ROBO2: variants seen among roughly 807,000 people sequenced by gnomAD.
ROBO2 encodes roundabout homolog 2.
A neutral mutation model predicts 160.8 loss-of-function variants in ROBO2; 53 were observed. That is an observed-to-expected ratio of 0.33 (90% confidence interval 0.26 to 0.41). The LOEUF is 0.41. Among genes scored for constraint, ROBO2 ranks in the 10% least tolerant of loss-of-function variants. The pLI is 1.00. For synonymous variants in ROBO2, 664 were observed against 611.7 expected, an observed-to-expected ratio of 1.09 and a Z score of -1.26; for missense variants, 1,577 against 1,722.4, an observed-to-expected ratio of 0.92 and a Z score of 1.49.
At chr3:76,317,796 T>C (rs1029682323) in intron 2 of ROBO2, among the ~76,000 whole-genome samples, 2 of 152,104 alleles carry the variant, frequency 1.3e-5, no homozygotes, top group African/African-American at 2.4e-5. Flanking sequence ...TTGTAAAACT[T>C]ACTCATATTG....
intron 2 of ROBO2, among the ~76,000 whole-genome samples, chr3:76,799,947 A>C (rs1325592332): frequency 6.6e-6 from 1 of 152,210 alleles, no homozygotes; most frequent in African/African-American, 2.4e-5. Flanking sequence ...AACTGGAGGA[A>C]TCACATTACT....
intron 2 of ROBO2, among the ~76,000 whole-genome samples, chr3:76,920,273 T>G (rs1163366247): frequency 6.6e-6 from 1 of 152,130 alleles, no homozygotes; most frequent in Non-Finnish European, 1.5e-5. Context: ...CAAAAAGGAA[T>G]AAAAACTCAC....
chr3:76,610,432 C>T (rs2088009087), intron 2 of ROBO2, among the ~76,000 whole-genome samples: 1 of 152,142 alleles, frequency 6.6e-6, no homozygotes, highest in Admixed American at 6.5e-5. Flanking sequence ...TGAGCAGCTT[C>T]CACCTTGGGC....
intron 2 of ROBO2, among the ~76,000 whole-genome samples, chr3:76,060,369 T>C (rs2068030784): frequency 1.3e-5 from 2 of 152,228 alleles, no homozygotes; most frequent in African/African-American, 4.8e-5. Context: ...TGAATAAGTA[T>C]GTCTGTGACC....
intron 2 of ROBO2, among the ~76,000 whole-genome samples, chr3:76,559,687 A>G (rs750264940): frequency 2.0e-5 from 3 of 152,130 alleles, no homozygotes; most frequent in Non-Finnish European, 4.4e-5. Flanking sequence ...GACATGGGGC[A>G]CCTGTGCACC....
chr3:77,422,179 A>G (rs1355814377), intron 2 of ROBO2, among the ~76,000 whole-genome samples: 1 of 152,026 alleles, frequency 6.6e-6, no homozygotes, highest in Non-Finnish European at 1.5e-5. Flanking sequence ...CAAGCATCCC[A>G]CTCGGTTTTA....
intron 2 of ROBO2, among the ~76,000 whole-genome samples, chr3:76,693,383 C>T (rs1245466258): frequency 6.7e-6 from 1 of 150,320 alleles, no homozygotes; most frequent in Non-Finnish European, 1.5e-5. Flanking sequence ...GCATATATCC[C>T]TATATATGTA....
Position 76,921,553 on chromosome 3 carries a change from A to C in ROBO2, c.110-176461A>C, listed in dbSNP as rs559896558. Reference sequence around the variant, plus strand: ...CTTGAACCTGGGAGGCAGAGGTTGTAGTGTGCCGGGATTGCTCCATTGCAC... The same window carrying C: ...CTTGAACCTGGGAGGCAGAGGTTGTCGTGTGCCGGGATTGCTCCATTGCAC... On this transcript the variant is annotated intron_variant, in intron 2 of 26. Transcript: ENST00000487694. 3.3e-5 allele frequency among the ~76,000 whole-genome samples: 5 copies of C among 152,298 alleles called. No homozygotes were observed. The East Asian group carries it at 7.7e-4, about 24-fold the overall frequency.
intron 2 of ROBO2, among the ~76,000 whole-genome samples, chr3:76,918,111 T>G (rs2076435480): frequency 6.6e-6 from 1 of 152,152 alleles, no homozygotes; most frequent in Non-Finnish European, 1.5e-5. Flanking sequence ...ATGAACTATA[T>G]TGGTTTAAGA....
chr3:77,321,969 G>A (rs1261574765), intron 2 of ROBO2, among the ~76,000 whole-genome samples: 1 of 152,152 alleles, frequency 6.6e-6, no homozygotes, highest in Admixed American at 6.5e-5. Flanking sequence ...TAGCACCATG[G>A]GAAGTGGTTC....
At chr3:75,992,070 G>A (rs1192731124) in intron 2 of ROBO2, among the ~76,000 whole-genome samples, 1 of 152,136 alleles carries the variant, frequency 6.6e-6, no homozygotes, top group African/African-American at 2.4e-5. Context: ...ATAAAAGTTT[G>A]GAAAATTTGC....
At chr3:77,446,695 A>G (rs564895268) in intron 2 of ROBO2, among the ~76,000 whole-genome samples, 1 of 152,198 alleles carries the variant, frequency 6.6e-6, no homozygotes, top group East Asian at 1.9e-4. Flanking sequence ...ATATATTAGC[A>G]GAGTTTTTAA....
chr3:76,098,472 T>C (rs1163545858), intron 2 of ROBO2, among the ~76,000 whole-genome samples: 4 of 152,156 alleles, frequency 2.6e-5, no homozygotes, highest in Admixed American at 2.0e-4. Flanking sequence ...TAACTACTGA[T>C]GAAATATACT....
chr3:77,422,027 T>G (rs1342178542), intron 2 of ROBO2, among the ~76,000 whole-genome samples: 1 of 152,180 alleles, frequency 6.6e-6, no homozygotes, highest in African/African-American at 2.4e-5. Flanking sequence ...TGATTTGTAT[T>G]CTTGCATTTA....
In ROBO2 at chr3:77,193,461, T is replaced by TTTTTTTTTG. The variant is rs1296731046; in HGVS notation, c.388+95122_388+95123insTTTTTTTGT. On this transcript the variant is annotated intron_variant, in intron 2 of 25. Coordinates refer to ENST00000461745, the Ensembl canonical transcript of ROBO2. ...ATGCCCAGCTAAGTTTTTTTTTTTT[T>TTTTTTTTTG]TAAAGACAGGGTCTTGCTATGTTGC... Among the ~76,000 whole-genome samples, 32 of 148,416 alleles carry TTTTTTTTTG rather than the reference T, an allele frequency of 2.2e-4. 2 individuals are homozygous for TTTTTTTTTG. Among genetic ancestry groups the TTTTTTTTTG allele is most frequent in the South Asian group, 1.1e-3 (5 of 4,676 alleles).
rs762735771 is a variant in ROBO2, at chr3:76,110,039, GTA to G, written c.109+172449_109+172450del. On this transcript the variant is annotated intron_variant, in intron 2 of 26. Coordinates refer to the ROBO2 transcript ENST00000487694. ...AGTATTGTTATATATATATGTGTGT[GTA>G]TATATATATATGAATGAATATATAT... is the stretch of plus-strand genomic sequence containing the variant. Among the ~76,000 whole-genome samples the G allele has an allele frequency of 3.9e-3, 587 of 149,708 alleles. 3 individuals carry two copies. The highest frequency in any genetic ancestry group is 5.2e-3 in the Non-Finnish European group (353 of 67,368).
chr3:76,656,727 T>C (rs575257403), intron 2 of ROBO2, among the ~76,000 whole-genome samples: 1 of 152,168 alleles, frequency 6.6e-6, no homozygotes, highest in Non-Finnish European at 1.5e-5. Flanking sequence ...TCCGAGACAT[T>C]ATGGCAGCCT....
chr3:76,046,554 A>G (rs2067457874), intron 2 of ROBO2, among the ~76,000 whole-genome samples: 1 of 151,296 alleles, frequency 6.6e-6, no homozygotes, highest in Non-Finnish European at 1.5e-5. Context: ...AGGCTGAGGC[A>G]GGAGAATGGC....
chr3:77,103,385 C>G (rs1018538849), intron 2 of ROBO2, among the ~76,000 whole-genome samples: 1 of 149,634 alleles, frequency 6.7e-6, no homozygotes, highest in Non-Finnish European at 1.5e-5. Context: ...GTTCAAAGGT[C>G]AGGGGTCACA....
Sources: allele counts gnomAD v4.1 joint callset (sites outside exome capture counted in the v4.1 genomes callset), GRCh38; gene constraint gnomAD v4.1.1; transcripts MANE v1.5; gene names NCBI Gene and HGNC (gene_info 2026-07-23, HGNC 2026-07-21).